The following PRKD2 variants were observed in gnomAD, a reference collection of about 807,000 sequenced individuals.
The protein encoded by PRKD2 is protein kinase D2.
A neutral mutation model predicts 86.0 loss-of-function variants in PRKD2; 22 were observed. The observed-to-expected ratio is 0.26, with a 90% confidence interval of 0.18 to 0.37. PRKD2 has a LOEUF of 0.37. Ranked by LOEUF, PRKD2 falls within the 10% of genes least tolerant of loss-of-function variation. The pLI, the probability that PRKD2 is intolerant of heterozygous loss-of-function variation, is 1.00. For synonymous variants in PRKD2, 509 were observed against 510.9 expected, an observed-to-expected ratio of 1.00 and a Z score of 0.05; for missense variants, 818 against 1,199.2, an observed-to-expected ratio of 0.68 and a Z score of 4.70.
intron 17 of PRKD2, 65 bp from the exon 18 acceptor site, chr19:46,674,800 G>A (rs2053171689): frequency 1.3e-6 from 2 of 1,503,750 alleles, no homozygotes; most frequent in Non-Finnish European, 1.8e-6. Flanking sequence ...ATATCCTCTG[G>A]TTTGCCACTG....
intron 2 of PRKD2, among the ~76,000 whole-genome samples, chr19:46,712,607 T>C (rs1307018459): frequency 6.6e-6 from 1 of 152,086 alleles, no homozygotes; most frequent in Non-Finnish European, 1.5e-5. Context: ...GAGACAACAA[T>C]GAAGATAAAA....
rs777556305 is a variant in PRKD2, at chr19:46,714,029, C to T, written c.241-28G>A. On this transcript the variant is annotated intron_variant, in intron 1 of 17. Transcript: ENST00000291281. ...GAGGGGCGGGAGAGGGATGTGGCGACGGAAAAGCTCAGAGCCGCCTTCAGC... is the reference window on the plus strand; with the variant it reads ...GAGGGGCGGGAGAGGGATGTGGCGATGGAAAAGCTCAGAGCCGCCTTCAGC... 6 of 1,608,768 alleles carry T rather than the reference C, an allele frequency of 3.7e-6. No homozygotes were observed. In the South Asian group the frequency reaches 5.5e-5, roughly 15 times the overall value.
intron 2 of PRKD2, 53 bp downstream of exon 2, chr19:46,713,810 G>GA: frequency 3.1e-6 from 2 of 650,528 alleles, no homozygotes; most frequent in Non-Finnish European, 4.6e-6. Context: ...TCCTCCCCCA[G>GA]ATGCCCCGCC....
rs567889413 is a variant in PRKD2, at chr19:46,701,197, C to T, written c.890-85G>A. The T allele has an allele frequency of 1.1e-5, 16 of 1,396,674 alleles. No homozygotes were observed. In the African/African-American group the frequency reaches 2.0e-4, roughly 17 times the overall value. The allele number at this position is 1,396,674 out of a possible 1,614,324, so 86.5% of individuals were successfully genotyped here. A position where few individuals can be genotyped will look rare whatever the true frequency, so the allele number is the denominator to read the frequency against. The stretch of plus-strand genomic sequence containing the variant: ...TTGAACCTTGACCCTAAGCCTCAGG[C>T]TCAAAAGAGTCTACTCTTGCTGTCT... On this transcript the variant is annotated intron_variant, in intron 5 of 17. Transcript: ENST00000291281.
At position 46,678,931 on chromosome 19, in the gene PRKD2, G is replaced by A. The variant is rs2053254784; in HGVS notation, c.2071-268C>T. ...TGAATTAAACCATCCAAAGCCCACA[G>A]GACAATATTTGGCATTCAGTTGGTG... On this transcript the variant is annotated intron_variant, in intron 15 of 17. Coordinates refer to ENST00000291281, the MANE Select transcript of PRKD2 (RefSeq NM_016457.5). This position sits in a 1 kb window ranked among gnomAD's most constrained non-coding sequence, Gnocchi z 5.7. Among the ~76,000 whole-genome samples the A allele has an allele frequency of 6.6e-6, 1 of 152,164 alleles. No individual in the cohort carries two copies. Among genetic ancestry groups the A allele is most frequent in the Non-Finnish European group, 1.5e-5 (1 of 68,038 alleles).
At chr19:46,695,487 A>C (rs977952457) in intron 9 of PRKD2, among the ~76,000 whole-genome samples, 2 of 152,240 alleles carry the variant, frequency 1.3e-5, no homozygotes, top group African/African-American at 4.8e-5. Flanking sequence ...CGTCTCAAAA[A>C]TAAACGTTTG....
intron 16 of PRKD2, chr19:46,677,572 C>T (rs1472070275): frequency 6.6e-6 from 1 of 152,498 alleles, no homozygotes; most frequent in African/African-American, 2.4e-5. Context: ...AACATGCCAT[C>T]CCACACCCAG....
At chr19:46,690,857 CCACCTGAGGTG>C (rs1246481247) in intron 12 of PRKD2, 151 bp from the exon 13 acceptor site, 11 of 631,634 alleles carry the variant, frequency 1.7e-5, no homozygotes, top group Non-Finnish European at 3.1e-5. Flanking sequence ...CGTGAAAAGG[CCACCTGAGGTG>C]CACCTTGGGA....
rs759420672 is a variant in PRKD2, at chr19:46,704,606, G to C, written c.555C>G (p.Pro185=). 15 of 1,613,662 alleles carry C rather than the reference G, an allele frequency of 9.3e-6. No homozygotes were observed. In the South Asian group the frequency reaches 1.5e-4, roughly 17 times the overall value. ...NYHKRCAFSI[P]NNCSGARKRR... ...GTTTGCGGGCCCCACTACAGTTGTTGGGGATGCTGAAGGCACAGCGCTTGT... is the reference window on the plus strand; with the variant it reads ...GTTTGCGGGCCCCACTACAGTTGTTCGGGATGCTGAAGGCACAGCGCTTGT... Residue 185 remains proline, a synonymous_variant, in exon 4 of 18, where the codon CCC becomes CCG. Coordinates refer to ENST00000291281, the MANE Select transcript of PRKD2 (RefSeq NM_016457.5).
chr19:46,680,314 G>A (rs772026861), intron 15 of PRKD2, among the ~76,000 whole-genome samples: 1 of 151,902 alleles, frequency 6.6e-6, no homozygotes, highest in Non-Finnish European at 1.5e-5. Flanking sequence ...TTTGAGACGA[G>A]TCTTGGTCTG....
chr19:46,705,744 G>A (rs937262655), intron 3 of PRKD2, among the ~76,000 whole-genome samples: 9 of 150,062 alleles, frequency 6.0e-5, no homozygotes, highest in Non-Finnish European at 1.2e-4. Context: ...CTGAGATCAC[G>A]CCACTGCACT....
intron 12 of PRKD2, among the ~76,000 whole-genome samples, chr19:46,691,292 C>CT: frequency 6.6e-6 from 1 of 152,204 alleles, no homozygotes; most frequent in Middle Eastern, 3.4e-3. Context: ...ATCTACCCTC[C>CT]TATTCAATCA....
intron 3 of PRKD2, among the ~76,000 whole-genome samples, chr19:46,706,801 A>T (rs567006470): frequency 2.5e-4 from 38 of 152,244 alleles, no homozygotes; most frequent in Non-Finnish European, 4.6e-4. Flanking sequence ...GCACTGAATC[A>T]GTATCTGCAG....
intron 16 of PRKD2, among the ~76,000 whole-genome samples, chr19:46,676,887 C>T (rs1435852908): frequency 6.6e-6 from 1 of 152,096 alleles, no homozygotes. Flanking sequence ...TGGCGAAACC[C>T]TGTCTCTACT....
intron 15 of PRKD2, among the ~76,000 whole-genome samples, chr19:46,680,882 T>C (rs1334376668): frequency 1.4e-5 from 2 of 145,016 alleles, no homozygotes; most frequent in East Asian, 2.0e-4. Flanking sequence ...ATAATTTTTA[T>C]GTTGACTACA....
At chr19:46,674,985 C>T (rs768144761) in intron 17 of PRKD2, 48 bp downstream of exon 17, 2 of 1,514,284 alleles carry the variant, frequency 1.3e-6, no homozygotes, top group South Asian at 2.4e-5. Context: ...TCTACTCCCA[C>T]CCCTTCCTCC....
chr19:46,679,390 G>C (rs1405135085), intron 15 of PRKD2, among the ~76,000 whole-genome samples: 1 of 152,138 alleles, frequency 6.6e-6, no homozygotes, highest in Non-Finnish European at 1.5e-5. Flanking sequence ...TACCTTAAAG[G>C]GTGCTTGTTT....
rs151060619 is a variant in PRKD2, at chr19:46,710,054, C to A, written c.511+853G>T. Among the ~76,000 whole-genome samples the A allele has an allele frequency of 9.9e-3, 1,495 of 151,144 alleles. 23 individuals carry two copies. Among genetic ancestry groups the A allele is most frequent in the African/African-American group, 0.034 (1,389 of 41,136 alleles). On this transcript the variant is annotated intron_variant, in intron 3 of 17. Transcript: ENST00000291281. ...CTGGGACTACAGGCGTGTGCCACCA[C>A]GTCCGGCTAATTTTTTGTATTTTTA...
rs2053877176 is a variant in PRKD2 at position 46,716,053 on chromosome 19, C to A, written c.240+78G>T. ...GTCTCCTTCCTCCCTCTTCCGCACA[C>A]CAGGCCCCAGACCCCTCTGCCAGCG... On this transcript the variant is annotated intron_variant, in intron 1 of 17. Transcript: ENST00000291281. The surrounding 1 kb of genome is among the most constrained non-coding windows in gnomAD (Gnocchi z 7.9). The A allele has an allele frequency of 2.6e-6, 4 of 1,556,416 alleles. No homozygotes were observed. Among genetic ancestry groups the A allele is most frequent in the Non-Finnish European group, 3.5e-6 (4 of 1,152,910 alleles).
Sources: gnomAD v4.1 joint callset for allele counts (sites outside exome capture counted in the v4.1 genomes callset) on GRCh38, gnomAD v4.1.1 for gene constraint, Gnocchi (gnomAD v3.1) non-coding constraint, MANE v1.5 for transcripts, NCBI Gene and HGNC (gene_info 2026-07-23, HGNC 2026-07-21) for gene names.